The following PZP variants were observed in gnomAD, a reference collection of about 807,000 sequenced individuals.
The protein encoded by PZP is PZP alpha-2-macroglobulin like.
Under a neutral mutation model 179.8 loss-of-function variants are expected in PZP, and 150 were observed. The observed-to-expected ratio is 0.83, with a 90% CI of 0.73 to 0.96. The LOEUF (loss-of-function observed/expected upper bound fraction) is 0.96, where lower values mean the gene tolerates loss of function less well. Ranked by LOEUF, PZP falls within the 40% of genes least tolerant of loss-of-function variation. The pLI is 0.00. For synonymous variants in PZP, 624 were observed against 652.3 expected (o/e 0.96, Z 0.66); for missense variants, 1,689 against 1,764.0 (o/e 0.96, Z 0.76).
At chr12:9,187,572 T>A (rs774029983) in intron 13 of PZP, among the ~76,000 whole-genome samples, 2 of 152,332 alleles carry the variant, frequency 1.3e-5, no homozygotes, top group African/African-American at 2.4e-5. Flanking sequence ...AACCTGCTCC[T>A]GCATGACTTT....
chr12:9,174,808 T>C (rs1019577996), intron 15 of PZP, among the ~76,000 whole-genome samples: 5 of 152,108 alleles, frequency 3.3e-5, no homozygotes, highest in Middle Eastern at 3.4e-3. Context: ...AAGGATATCA[T>C]AGAGGACACA....
chr12:9,137,685 T>C, the PZP span, among the ~76,000 whole-genome samples: 4 of 152,092 alleles, frequency 2.6e-5, no homozygotes, highest in Non-Finnish European at 5.9e-5. Context: ...TTTAATTGTG[T>C]CTTAATTTCT....
intron 13 of PZP, among the ~76,000 whole-genome samples, chr12:9,190,288 T>C (rs1449968969): frequency 2.0e-5 from 3 of 152,124 alleles, no homozygotes; most frequent in African/African-American, 7.2e-5. Flanking sequence ...GAAAATGTGG[T>C]ACATACACAC....
At chr12:9,185,418 A>G (rs927403842) in intron 13 of PZP, among the ~76,000 whole-genome samples, 78 of 152,352 alleles carry the variant, frequency 5.1e-4, no homozygotes, top group Non-Finnish European at 9.0e-4. Context: ...AACCTCTGAG[A>G]AATCTGGGAT....
intron 11 of PZP, 84 bp from the exon 12 acceptor site, chr12:9,192,823 T>C: frequency 2.2e-6 from 2 of 899,530 alleles, no homozygotes; most frequent in Non-Finnish European, 3.5e-6. Flanking sequence ...GTTACAACGG[T>C]GTCTTCCACT....
Position 9,196,556 on chromosome 12 carries a change from G to T in PZP, c.982+15C>A. On this transcript the variant is annotated intron_variant, in intron 9 of 35. Coordinates refer to ENST00000261336, the MANE Select transcript of PZP (RefSeq NM_002864.3). The stretch of plus-strand genomic sequence containing the variant: ...AACTATTGTTTTATTTCCCATATTC[G>T]TTCATTACTCACACCTGTCCCCTCT... 1 of 1,584,934 alleles carries T rather than the reference G, an allele frequency of 6.3e-7. No homozygotes were observed. Among genetic ancestry groups the T allele is most frequent in the Non-Finnish European group, 8.7e-7 (1 of 1,153,940 alleles).
In PZP at chr12:9,152,219, C is replaced by T. The variant is rs1205874032; in HGVS notation, c.4212+1G>A. On this transcript the variant is annotated splice_donor_variant, in intron 32 of 35. Coordinates refer to ENST00000261336, the MANE Select transcript of PZP (RefSeq NM_002864.3). LOFTEE classifies it high-confidence loss of function. ...GTCTATTAGGATTAAAATACACCTA[C>T]CATTTTTACTGTTGGTTTCAGGGGA... The T allele has an allele frequency of 6.3e-7, 1 of 1,588,006 alleles. No individual in the cohort carries two copies. Among genetic ancestry groups the T allele is most frequent in the African/African-American group, 1.3e-5 (1 of 74,284 alleles).
At chr12:9,166,942 A>G (rs2120766749) in intron 17 of PZP, 1 of 152,364 alleles carries the variant, frequency 6.6e-6, no homozygotes, top group Non-Finnish European at 1.5e-5. Flanking sequence ...CATGTATCCC[A>G]TCTGATATTT....
downstream of PZP, among the ~76,000 whole-genome samples, chr12:9,145,837 G>T (rs1286972660): frequency 1.3e-5 from 2 of 152,120 alleles, no homozygotes; most frequent in African/African-American, 4.8e-5. Flanking sequence ...TAGCAGGTTT[G>T]TATTATTTTA....
At chr12:9,160,783 C>T (rs61916039) in intron 23 of PZP, among the ~76,000 whole-genome samples, 3,308 of 152,006 alleles carry the variant, frequency 0.022, 57 homozygotes, top group Non-Finnish European at 0.037. Flanking sequence ...GGCGTGGTGG[C>T]GGGCGCCTGT....
At chr12:9,196,504 A>G (rs1943781318) in intron 9 of PZP, 65 bp from the exon 10 acceptor site, 1 of 1,572,670 alleles carries the variant, frequency 6.4e-7, no homozygotes, top group African/African-American at 1.4e-5. Context: ...TTTCTTACAA[A>G]TGACCTTTAT....
rs188166648 is a variant in PZP, at chr12:9,171,216, C to T, written c.1840-1625G>A. ...CTTCCACGTACGGGAGAAACCAAAG[C>T]AACTGGGGTCTGGAGTGGACCCCCA... is the stretch of plus-strand genomic sequence containing the variant. On this transcript the variant is annotated intron_variant, in intron 15 of 35. Transcript: ENST00000261336. 7.9e-5 allele frequency among the ~76,000 whole-genome samples: 12 copies of T among 152,276 alleles called. No homozygotes were observed. The East Asian group carries it at 2.1e-3, about 27-fold the overall frequency.
At chr12:9,173,756 C>T (rs751775027) in intron 15 of PZP, among the ~76,000 whole-genome samples, 95 of 152,262 alleles carry the variant, frequency 6.2e-4, no homozygotes, top group African/African-American at 2.0e-3. Context: ...TGGACACATA[C>T]ACCCTCCCAA....
At chr12:9,188,993 A>G in intron 13 of PZP, among the ~76,000 whole-genome samples, 1 of 152,216 alleles carries the variant, frequency 6.6e-6, no homozygotes, top group South Asian at 2.1e-4. Flanking sequence ...GCTCAAAGAA[A>G]TCAGAGATGA....
chr12:9,146,706 C>T (rs1234093120), downstream of PZP, among the ~76,000 whole-genome samples: 1 of 152,144 alleles, frequency 6.6e-6, no homozygotes, highest in Non-Finnish European at 1.5e-5. Flanking sequence ...AATCCTTTCT[C>T]TTCTCAGGGA....
At chr12:9,200,705 T>A (rs1944105724) in intron 6 of PZP, among the ~76,000 whole-genome samples, 187 bp downstream of exon 6, 1 of 152,216 alleles carries the variant, frequency 6.6e-6, no homozygotes, top group Non-Finnish European at 1.5e-5. Flanking sequence ...TGGCAAAGCG[T>A]AATTTGCTAC....
At chr12:9,205,257 T>C (rs1944390285) in intron 1 of PZP, among the ~76,000 whole-genome samples, 1 of 152,170 alleles carries the variant, frequency 6.6e-6, no homozygotes, top group Non-Finnish European at 1.5e-5. Flanking sequence ...TGAGTGTCCT[T>C]TGTCTCTAAT....
intron 26 of PZP, among the ~76,000 whole-genome samples, 177 bp from the exon 27 acceptor site, chr12:9,158,018 A>G (rs1310545877): frequency 6.6e-6 from 1 of 152,190 alleles, no homozygotes; most frequent in Admixed American, 6.5e-5. Context: ...CAGTAGCACT[A>G]TCACACATGA....
chr12:9,175,689 A>C (rs1942316280), intron 15 of PZP, among the ~76,000 whole-genome samples: 1 of 152,242 alleles, frequency 6.6e-6, no homozygotes, highest in Non-Finnish European at 1.5e-5. Flanking sequence ...ACATACAGCC[A>C]ACAAACATAT....
Sources: allele counts gnomAD v4.1 joint callset (sites outside exome capture counted in the v4.1 genomes callset), GRCh38; gene constraint gnomAD v4.1.1; transcripts MANE v1.5; gene names NCBI Gene and HGNC (gene_info 2026-07-23, HGNC 2026-07-21).